The following SYT16 variants were observed in gnomAD, a reference collection of about 807,000 sequenced individuals.
SYT16 encodes synaptotagmin-16.
A neutral mutation model predicts 61.4 loss-of-function variants in SYT16; 42 were observed. The observed-to-expected ratio is 0.68, with a 90% CI of 0.53 to 0.89. The LOEUF (loss-of-function observed/expected upper bound fraction) is 0.89. Among genes scored for constraint, SYT16 ranks in the 40% least tolerant of loss-of-function variants. The pLI is 0.00. For synonymous variants in SYT16, 314 were observed against 302.3 expected, an observed-to-expected ratio of 1.04 and a Z score of -0.40; for missense variants, 804 against 807.3, an observed-to-expected ratio of 1.00 and a Z score of 0.05.
intron 7 of SYT16, among the ~76,000 whole-genome samples, chr14:62,089,393 C>T (rs1170140710): frequency 6.6e-6 from 1 of 151,938 alleles, no homozygotes; most frequent in African/African-American, 2.4e-5. Flanking sequence ...AAAGCACATC[C>T]ATCACAAGGG....
At position 62,013,941 on chromosome 14, in the gene SYT16, G is replaced by A. The variant is rs1375611569; in HGVS notation, c.523+17399G>A. On this transcript the variant is annotated intron_variant, in intron 3 of 7. Coordinates refer to ENST00000683842, the MANE Select transcript of SYT16 (RefSeq NM_001367656.1). ...ATTGTGCCACTGCACTCCAGCCTGCGCAACAGAGCGAGATTCCATCTCAAA... is the reference window on the plus strand; with the variant it reads ...ATTGTGCCACTGCACTCCAGCCTGCACAACAGAGCGAGATTCCATCTCAAA... Among the ~76,000 whole-genome samples, 7 of 150,856 alleles carry A rather than the reference G, an allele frequency of 4.6e-5. 1 individual carries two copies. The highest frequency in any genetic ancestry group is 4.2e-4 in the South Asian group (2 of 4,772).
intron 3 of SYT16, among the ~76,000 whole-genome samples, chr14:62,032,190 TAAAAG>T (rs1284458222): frequency 6.6e-6 from 1 of 152,076 alleles, no homozygotes; most frequent in Non-Finnish European, 1.5e-5. Context: ...GGTAGAAGCT[TAAAAG>T]AAAAGAGGGA....
intron 1 of SYT16, among the ~76,000 whole-genome samples, chr14:61,900,710 G>T (rs1230653323): frequency 6.6e-6 from 1 of 152,216 alleles, no homozygotes; most frequent in Non-Finnish European, 1.5e-5. Flanking sequence ...ACTGGGGCCA[G>T]TGAACACCAG....
In SYT16 at chr14:62,069,544, A is replaced by G. The variant is rs182715290; in HGVS notation, c.524-59A>G. ...TCTCTTCTGTTTTCCTGGAGAGTCT[A>G]TCTCTGTATTCGAGCATATAGGCCA... On this transcript the variant is annotated intron_variant, in intron 3 of 7. Coordinates refer to ENST00000683842, the MANE Select transcript of SYT16 (RefSeq NM_001367656.1). The G allele has an allele frequency of 6.0e-5, 90 of 1,491,150 alleles. No homozygotes were observed. The Admixed American group carries it at 1.5e-3, about 24-fold the overall frequency. 92.4% of individuals were successfully genotyped at this position (1,491,150 alleles called of 1,614,324 possible).
In SYT16 at chr14:62,106,377, C is replaced by G. The variant is rs989924035; in HGVS notation, c.*5670C>G. The G allele has an allele frequency of 2.6e-5, 4 of 152,162 alleles. No individual in the cohort carries two copies. Among genetic ancestry groups the G allele is most frequent in the Admixed American group, 6.5e-5 (1 of 15,276 alleles). The allele number at this position is 152,162 out of a possible 1,614,324, so 9.4% of individuals were successfully genotyped here. On this transcript the variant is annotated 3_prime_UTR_variant, in exon 8 of 8. Coordinates refer to ENST00000683842, the MANE Select transcript of SYT16 (RefSeq NM_001367656.1). ...GGGCAAGTGTCTAGGAAGCCTTGGA[C>G]TGGCAGTGAGTCTTGGTTGCATTAT... is the stretch of plus-strand genomic sequence containing the variant.
chr14:62,078,732 A>C (rs1265881532), intron 5 of SYT16, among the ~76,000 whole-genome samples: 1 of 152,236 alleles, frequency 6.6e-6, no homozygotes, highest in East Asian at 1.9e-4. Context: ...CTACGGGGCA[A>C]AAAGTAGACT....
At chr14:62,005,728 C>T (rs2053195454) in intron 3 of SYT16, among the ~76,000 whole-genome samples, 1 of 152,100 alleles carries the variant, frequency 6.6e-6, no homozygotes, top group Non-Finnish European at 1.5e-5. Flanking sequence ...CCCTTTTAAC[C>T]AATCAAATAT....
intron 1 of SYT16, among the ~76,000 whole-genome samples, chr14:61,933,719 A>C (rs903842962): frequency 6.6e-6 from 1 of 152,208 alleles, no homozygotes; most frequent in Non-Finnish European, 1.5e-5. Context: ...CAGGGTAGAT[A>C]GTGAGGGTTA....
rs1322787864 is a variant in SYT16 at position 61,971,064 on chromosome 14, C to T, written c.-145+753C>T. ...TGAAGGGAAGGTCTTGAGGAGAGTA[C>T]CCTCCAGGTATCCTACGTTCTTGAT... On this transcript the variant is annotated intron_variant, in intron 2 of 7. Transcript: ENST00000683842. Among the ~76,000 whole-genome samples the T allele has an allele frequency of 2.0e-5, 3 of 151,956 alleles. No individual in the cohort carries two copies. The East Asian group carries it at 5.8e-4, about 29-fold the overall frequency.
At position 62,104,945 on chromosome 14, in the gene SYT16, A is replaced by G. The variant is rs2057487120; in HGVS notation, c.*4238A>G. 1 of 152,216 alleles carries G rather than the reference A, an allele frequency of 6.6e-6. No homozygotes were observed. The allele number at this position is 152,216 out of a possible 1,614,324, so 9.4% of individuals were successfully genotyped here. A position where few individuals can be genotyped will look rare whatever the true frequency, so the allele number is the denominator to read the frequency against. Reference sequence around the variant, plus strand: ...CTTACAGTCATGCCTGAAAAAGAAAATATTTAAGATGTGTCTTCTTTTTCT... The same window carrying G: ...CTTACAGTCATGCCTGAAAAAGAAAGTATTTAAGATGTGTCTTCTTTTTCT... On this transcript the variant is annotated 3_prime_UTR_variant, in exon 8 of 8. Transcript: ENST00000683842.
intron 1 of SYT16, among the ~76,000 whole-genome samples, chr14:61,830,042 T>G (rs183648278): frequency 1.3e-5 from 2 of 152,200 alleles, no homozygotes; most frequent in Non-Finnish European, 2.9e-5. Context: ...AAAAAAAAAT[T>G]AAGTTATTGT....
At chr14:62,000,333 C>T (rs981430601) in intron 3 of SYT16, among the ~76,000 whole-genome samples, 11 of 151,458 alleles carry the variant, frequency 7.3e-5, no homozygotes, top group African/African-American at 2.2e-4. Flanking sequence ...ATTTTTACCT[C>T]TAGTAATATT....
chr14:61,876,394 C>G (rs2047494959), intron 1 of SYT16, among the ~76,000 whole-genome samples: 1 of 152,102 alleles, frequency 6.6e-6, no homozygotes, highest in Admixed American at 6.5e-5. Context: ...ACCATGTAAT[C>G]AAGATAATGA....
chr14:61,988,879 G>A lies in SYT16; in HGVS notation c.-144-6997G>A, dbSNP rs576842444. On this transcript the variant is annotated intron_variant, in intron 2 of 7. Transcript: ENST00000683842. ...TTTCTAGTTTCTTCACTATCTAATC[G>A]CATTTTTTTTTTAAAGATTTGGAGT... Among the ~76,000 whole-genome samples, 541 of 72,718 alleles carry A rather than the reference G, an allele frequency of 7.4e-3. 3 individuals carry two copies. The highest frequency in any genetic ancestry group is 0.013 in the East Asian group (26 of 2,070). 47.7% of individuals were successfully genotyped at this position (72,718 alleles called of 152,430 possible).
At chr14:61,903,257 A>C (rs998791239) in intron 1 of SYT16, among the ~76,000 whole-genome samples, 4 of 151,106 alleles carry the variant, frequency 2.6e-5, no homozygotes, top group Non-Finnish European at 5.9e-5. Flanking sequence ...TTAAGTCTTC[A>C]TTATGTCTTT....
At chr14:61,977,538 TACTC>T (rs1291126531) in intron 2 of SYT16, among the ~76,000 whole-genome samples, 5 of 152,156 alleles carry the variant, frequency 3.3e-5, no homozygotes, top group Admixed American at 1.3e-4. Flanking sequence ...GATCTCATGA[TACTC>T]ACTCACTATC....
chr14:62,036,564 G>C (rs1012440509), intron 3 of SYT16, among the ~76,000 whole-genome samples: 1 of 152,160 alleles, frequency 6.6e-6, no homozygotes, highest in Non-Finnish European at 1.5e-5. Flanking sequence ...AATTTATTAA[G>C]GAAAGAGTTT....
intron 1 of SYT16, among the ~76,000 whole-genome samples, chr14:61,881,474 G>C (rs2047695668): frequency 6.6e-6 from 1 of 152,178 alleles, no homozygotes; most frequent in Non-Finnish European, 1.5e-5. Flanking sequence ...CCAATAGATG[G>C]CTCTGTTAAT....
At chr14:61,817,010 CA>C (rs2045457450) in intron 1 of SYT16, among the ~76,000 whole-genome samples, 1 of 3,988 alleles carries the variant, frequency 2.5e-4, no homozygotes, top group Non-Finnish European at 1.4e-3. Flanking sequence ...GGCTCCGTCA[CA>C]CACACACACA....
Sources: allele counts gnomAD v4.1 joint callset (sites outside exome capture counted in the v4.1 genomes callset), GRCh38; gene constraint gnomAD v4.1.1; transcripts MANE v1.5; gene names NCBI Gene and HGNC (gene_info 2026-07-23, HGNC 2026-07-21).